Variants in HMG20B observed in about 807,000 individuals in gnomAD.
HMG20B encodes high mobility group 20B, also known as SWI/SNF-related matrix-associated actin-dependent regulator of chromatin subfamily E member 1-related.
Under a neutral mutation model 41.6 loss-of-function variants are expected in HMG20B, and 24 were observed. That is an observed-to-expected ratio of 0.58 (90% CI 0.42 to 0.81). The LOEUF (loss-of-function observed/expected upper bound fraction) is 0.81. Among genes scored for constraint, HMG20B ranks in the 30% least tolerant of loss-of-function variants. The pLI, the probability that HMG20B is intolerant of heterozygous loss-of-function variation, is 0.00. For missense variants in HMG20B, 461 were observed against 444.0 expected, an observed-to-expected ratio of 1.04 and a Z score of -0.34; for synonymous variants, 251 against 186.6, an observed-to-expected ratio of 1.34 and a Z score of -2.81.
intron 5 of HMG20B, 116 bp downstream of exon 5, chr19:3,575,776 T>A (rs1190291797): frequency 1.4e-5 from 12 of 851,574 alleles, no homozygotes; most frequent in Non-Finnish European, 2.1e-5. Flanking sequence ...ACCCTCCCCC[T>A]CTACTAAAAA....
chr19:3,573,761 G>A lies in HMG20B; in HGVS notation c.108G>A (p.Glu36=), dbSNP rs765300629. 3.2e-6 allele frequency: 5 copies of A among 1,558,384 alleles called. No homozygotes were observed. The highest frequency in any genetic ancestry group is 1.2e-5 in the South Asian group (1 of 85,168). Residue 36 remains glutamate, a synonymous_variant, in exon 3 of 10, where the codon GAG becomes GAA. Coordinates refer to ENST00000333651, the MANE Select transcript of HMG20B (RefSeq NM_006339.3). Reference sequence around the variant, plus strand: ...TGACTGTCAAGCAAGAGCGCGGCGAGGGTCCACGCGCGGGCGAGAAGGGGT... The same window carrying A: ...TGACTGTCAAGCAAGAGCGCGGCGAAGGTCCACGCGCGGGCGAGAAGGGGT... ...FVVTVKQERG[E]GPRAGEKGSH...
rs776874277 is a variant in HMG20B at position 3,576,280 on chromosome 19, C to T, written c.492C>T (p.Leu164=). 3.0e-5 allele frequency: 48 copies of T among 1,613,724 alleles called. 2 individuals carry two copies. In the South Asian group the frequency reaches 4.8e-4, roughly 16 times the overall value. The change falls in exon 6 of 10, where the codon CTC becomes CTT. Residue 164 remains leucine (L), a synonymous_variant. Coordinates refer to ENST00000333651, the MANE Select transcript of HMG20B (RefSeq NM_006339.3). ...KIKKEDSSSG[L]MNTLLNGHKG... is the part of the protein sequence containing the mutation. Reference sequence around the variant, plus strand: ...CGCCAGAAGACTCGAGCTCTGGGCTCATGAACACTCTCCTGAATGGACACA... The same window carrying T: ...CGCCAGAAGACTCGAGCTCTGGGCTTATGAACACTCTCCTGAATGGACACA...
At chr19:3,575,774 C>T (rs1294404681) in intron 5 of HMG20B, 114 bp downstream of exon 5, 6 of 864,162 alleles carry the variant, frequency 6.9e-6, no homozygotes, top group African/African-American at 6.8e-5. Flanking sequence ...AAACCCTCCC[C>T]CTCTACTAAA....
Position 3,573,763 on chromosome 19 carries a change from G to C in HMG20B, c.110G>C (p.Gly37Ala), listed in dbSNP as rs758388329. The change falls in exon 3 of 10, where the codon GGT (glycine) becomes GCT (alanine). Residue 37 changes from glycine (G) to alanine (A), a missense_variant. By Grantham distance (60) the Gly-to-Ala change is moderately conservative. Around this residue, in one of 3 missense-constraint regions of HMG20B, gnomAD observed 104 missense variants for 76.5 expected, o/e 1.36. Coordinates refer to ENST00000333651, the MANE Select transcript of HMG20B (RefSeq NM_006339.3). ...VVTVKQERGEGPRAGEKGSHE... is the reference protein window; with the variant it reads ...VVTVKQERGEAPRAGEKGSHE... ...ACTGTCAAGCAAGAGCGCGGCGAGG[G>C]TCCACGCGCGGGCGAGAAGGGGTCC... 3.2e-6 allele frequency: 5 copies of C among 1,566,596 alleles called. No individual in the cohort carries two copies. The highest frequency in any genetic ancestry group is 4.3e-6 in the Non-Finnish European group (5 of 1,159,692).
In HMG20B at chr19:3,578,848, G is replaced by T. The variant is rs541460881; in HGVS notation, c.*327G>T. 1.6e-6 allele frequency: 1 copy of T among 623,902 alleles called. No individual in the cohort carries two copies. The highest frequency in any genetic ancestry group is 3.0e-6 in the Non-Finnish European group (1 of 333,754). The allele number at this position is 623,902 out of a possible 1,614,324, so 38.6% of individuals were successfully genotyped here. A position where few individuals can be genotyped will look rare whatever the true frequency, so the allele number is the denominator to read the frequency against. ...ACAGGGCAGACGAAACCCACCCCCA[G>T]CACACGGCAGGACCCCCCAAATTAC... On this transcript the variant is annotated 3_prime_UTR_variant, in exon 10 of 10. Transcript: ENST00000333651.
rs768955244 is a variant in HMG20B at position 3,578,079 on chromosome 19, G to C, written c.907G>C (p.Val303Leu). The C allele has an allele frequency of 1.3e-5, 21 of 1,611,472 alleles. No individual in the cohort carries two copies. The South Asian group carries it at 2.3e-4, about 18-fold the overall frequency. ...CCCCGCCCAGCACGAGAAGCTCATCGTCCGCATCAAGGAAATCCTGGCCCA... is the reference window on the plus strand; with the variant it reads ...CCCCGCCCAGCACGAGAAGCTCATCCTCCGCATCAAGGAAATCCTGGCCCA... Reference protein sequence around the residue: ...RDPAQHEKLIVRIKEILAQVA... With the variant: ...RDPAQHEKLILRIKEILAQVA... Residue 303 changes from valine to leucine, a missense_variant, in exon 9 of 10, where the codon GTC (valine) becomes CTC (leucine). Val to Leu is a conservative substitution (Grantham distance 32, BLOSUM62 1). This residue lies in a region of HMG20B where 308 missense variants were observed against 283.4 expected (regional missense o/e 1.09). Transcript: ENST00000333651.
At position 3,574,158 on chromosome 19, in the gene HMG20B, C is replaced by T. The variant is rs567853775; in HGVS notation, c.148-225C>T. ...GTCAACGCCAACCCTGTACTCAAAC[C>T]TCGGCCCATAGTTCCTCAGATCCCC... is the stretch of plus-strand genomic sequence containing the variant. On this transcript the variant is annotated intron_variant, in intron 3 of 9. Coordinates refer to ENST00000333651, the MANE Select transcript of HMG20B (RefSeq NM_006339.3). 1.5e-5 allele frequency: 9 copies of T among 612,272 alleles called. No homozygotes were observed. In the African/African-American group the frequency reaches 1.7e-4, roughly 11 times the overall value. 37.9% of individuals were successfully genotyped at this position (612,272 alleles called of 1,614,324 possible). A position where few individuals can be genotyped will look rare whatever the true frequency, so the allele number is the denominator to read the frequency against.
chr19:3,574,591 G>A lies in HMG20B; in HGVS notation c.351+5G>A. On this transcript the variant is annotated splice_donor_5th_base_variant and intron_variant, in intron 4 of 9. Transcript: ENST00000333651. ...CTGCAGCCAACGGAAAAGCAGGTGG[G>A]CGGGGCGGGGCGCCGAGCAGGGCTG... is the stretch of plus-strand genomic sequence containing the variant. 1 of 1,583,210 alleles carries A rather than the reference G, an allele frequency of 6.3e-7. No individual in the cohort carries two copies. The highest frequency in any genetic ancestry group is 1.7e-4 in the Middle Eastern group (1 of 6,028).
In HMG20B at chr19:3,578,987, C is replaced by G. The variant is rs903122948; in HGVS notation, c.*466C>G. 10 of 361,922 alleles carry G rather than the reference C, an allele frequency of 2.8e-5. No individual in the cohort carries two copies. The highest frequency in any genetic ancestry group is 4.4e-5 in the Non-Finnish European group (8 of 182,648). The allele number at this position is 361,922 out of a possible 1,614,324, so 22.4% of individuals were successfully genotyped here. A position where few individuals can be genotyped will look rare whatever the true frequency, so the allele number is the denominator to read the frequency against. ...TGGGTGGGGGCCGGCTTTGCCCATC[C>G]TGCTCTCCTCCAGCCGAGGGACCCT... On this transcript the variant is annotated 3_prime_UTR_variant, in exon 10 of 10. Coordinates refer to ENST00000333651, the MANE Select transcript of HMG20B (RefSeq NM_006339.3).
intron 5 of HMG20B, 138 bp downstream of exon 5, chr19:3,575,798 C>G (rs1047193658): frequency 1.4e-6 from 1 of 693,630 alleles, no homozygotes; most frequent in Non-Finnish European, 2.3e-6. Flanking sequence ...ACAAAAATTA[C>G]CTGGGCGTGG....
chr19:3,573,808 T>C lies in HMG20B; in HGVS notation c.147+8T>C. 5 of 1,591,862 alleles carry C rather than the reference T, an allele frequency of 3.1e-6. No homozygotes were observed. The highest frequency in any genetic ancestry group is 4.3e-6 in the Non-Finnish European group (5 of 1,171,970). ...GGGTCCCACGAGGAGGAGGTGAGAGTCCCTGCGCTGAGCTGGGGGAGGCCC... is the reference window on the plus strand; with the variant it reads ...GGGTCCCACGAGGAGGAGGTGAGAGCCCCTGCGCTGAGCTGGGGGAGGCCC... On this transcript the variant is annotated splice_region_variant and intron_variant, in intron 3 of 9. Transcript: ENST00000333651.
rs754179356 is a variant in HMG20B, at chr19:3,578,534, C to A, written c.*13C>A. The A allele has an allele frequency of 6.4e-7, 1 of 1,569,646 alleles. No individual in the cohort carries two copies. Among genetic ancestry groups the A allele is most frequent in the Non-Finnish European group, 8.6e-7 (1 of 1,158,518 alleles). On this transcript the variant is annotated 3_prime_UTR_variant, in exon 10 of 10. Transcript: ENST00000333651. ...CGAGCACCTGTGAGGAGTGGGCGGG[C>A]CCACGATGCAGAGGAGAAGCTGTGG...
At chr19:3,576,823 TCCCGGGCAAAAG>T in intron 7 of HMG20B, 57 bp from the exon 8 acceptor site, 1 of 1,504,362 alleles carries the variant, frequency 6.6e-7, no homozygotes, top group African/African-American at 1.4e-5. Context: ...CAGGGGCACG[TCCCGGGCAAAAG>T]CCCGGAGGTA....
rs1245526432 is a variant in HMG20B, at chr19:3,577,015, C to T, written c.716C>T (p.Ala239Val). The T allele has an allele frequency of 3.2e-6, 5 of 1,555,838 alleles. No individual in the cohort carries two copies. Among genetic ancestry groups the T allele is most frequent in the Non-Finnish European group, 4.3e-6 (5 of 1,151,028 alleles). ...SARERLEQEL[A>V]LEERRTLALQ... ...CGCGAGCGTCTGGAGCAGGAGCTGG[C>T]GCTGGAGGAGCGGAGGACGCTGGCG... Residue 239 changes from alanine to valine, a missense_variant, in exon 8 of 10, where the codon GCG (alanine) becomes GTG (valine). By Grantham distance (64) the Ala-to-Val change is moderately conservative (BLOSUM62 0). Around this residue, in one of 3 missense-constraint regions of HMG20B, gnomAD observed 308 missense variants for 283.4 expected, o/e 1.09. Coordinates refer to ENST00000333651, the MANE Select transcript of HMG20B (RefSeq NM_006339.3).
intron 6 of HMG20B, 77 bp from the exon 7 acceptor site, chr19:3,576,476 C>T: frequency 6.9e-7 from 1 of 1,443,654 alleles, no homozygotes; most frequent in South Asian, 1.2e-5. Flanking sequence ...AGGAGACCCT[C>T]CTAGGCTTGG....
intron 3 of HMG20B, 150 bp downstream of exon 3, chr19:3,573,950 G>A (rs1301125900): frequency 2.6e-6 from 2 of 765,890 alleles, no homozygotes; most frequent in South Asian, 2.9e-5. Context: ...CAGCTGCCAC[G>A]CCCCTGACAG....
At chr19:3,573,887 G>C (rs2032097405) in intron 3 of HMG20B, 87 bp downstream of exon 3, 1 of 1,236,516 alleles carries the variant, frequency 8.1e-7, no homozygotes, top group Non-Finnish European at 1.2e-6. Flanking sequence ...TGAATTGCTT[G>C]TGGCTCCGCC....
chr19:3,575,489 C>T (rs1327402996), intron 4 of HMG20B, 51 bp from the exon 5 acceptor site: 7 of 1,553,376 alleles, frequency 4.5e-6, no homozygotes, highest in Admixed American at 3.9e-5. Context: ...AAGACTGGAT[C>T]CTGGCGTTGG....
intron 3 of HMG20B, 187 bp from the exon 4 acceptor site, chr19:3,574,196 A>C: frequency 3.2e-6 from 2 of 617,632 alleles, no homozygotes; most frequent in East Asian, 2.8e-5. Flanking sequence ...ACCCCTGGCC[A>C]GGGATCCCTC....
Sources: gnomAD v4.1 joint callset for allele counts on GRCh38, gnomAD v4.1.1 for gene constraint, gnomAD v4.1.1 regional missense constraint, MANE v1.5 for transcripts, NCBI Gene and HGNC (gene_info 2026-07-23, HGNC 2026-07-21) for gene names.